Variants in BLTP3A observed in about 807,000 individuals in gnomAD.
The protein encoded by BLTP3A is ICBP90 binding protein 1.
At chr6:34,869,640 CTTTTTTTTTTTTTTTT>C in the BLTP3A span, among the ~76,000 whole-genome samples, 6 of 81,520 alleles carry the variant, frequency 7.4e-5, no homozygotes, top group South Asian at 3.7e-4. Flanking sequence ...ACATACACCA[CTTTTTTTTTTTTTTTT>C]TTTTTTTTTT....
chr6:34,858,290 A>G, the BLTP3A span: 308 of 1,613,966 alleles, frequency 1.9e-4, no homozygotes, highest in Non-Finnish European at 2.6e-4. Flanking sequence ...GAGTTCTTTC[A>G]TTCCAATTAT....
the BLTP3A span, among the ~76,000 whole-genome samples, chr6:34,862,295 G>C: frequency 1.3e-5 from 2 of 151,962 alleles, no homozygotes; most frequent in African/African-American, 4.8e-5. Context: ...AGAATGGCTT[G>C]AACCTGGGAG....
chr6:34,856,487 A>G, the BLTP3A span: 1 of 1,515,676 alleles, frequency 6.6e-7, no homozygotes, highest in Non-Finnish European at 8.9e-7. Context: ...GAGATAAAGC[A>G]AGAACTAGCT....
the BLTP3A span, chr6:34,855,713 A>G: frequency 6.2e-7 from 1 of 1,613,050 alleles, no homozygotes; most frequent in Non-Finnish European, 8.5e-7. Context: ...GGTTAGGAAA[A>G]CTCTGAATGG....
the BLTP3A span, among the ~76,000 whole-genome samples, chr6:34,848,435 G>C: frequency 2.0e-5 from 3 of 151,928 alleles, no homozygotes; most frequent in Non-Finnish European, 2.9e-5. Context: ...GCAAAATCCT[G>C]TTTCTACTAA....
chr6:34,813,786 G>A, the BLTP3A span, among the ~76,000 whole-genome samples: 13 of 152,306 alleles, frequency 8.5e-5, no homozygotes, highest in African/African-American at 2.9e-4. Context: ...TATTGAAGAT[G>A]ACTTGGAATA....
At chr6:34,826,857 C>A in the BLTP3A span, among the ~76,000 whole-genome samples, 1 of 152,142 alleles carries the variant, frequency 6.6e-6, no homozygotes, top group Non-Finnish European at 1.5e-5. Context: ...TTTTATACAA[C>A]TTTACCCTAG....
the BLTP3A span, among the ~76,000 whole-genome samples, chr6:34,811,397 G>A: frequency 6.6e-6 from 1 of 152,152 alleles, no homozygotes. Context: ...GTGTGGTATT[G>A]GCATAAGTAT....
At chr6:34,792,821 G>A in the BLTP3A span, among the ~76,000 whole-genome samples, 4 of 152,184 alleles carry the variant, frequency 2.6e-5, no homozygotes, top group Admixed American at 2.0e-4. Context: ...GTCCTGCTAA[G>A]CCATTTCCCC....
chr6:34,870,111 C>T, the BLTP3A span, among the ~76,000 whole-genome samples: 1 of 152,060 alleles, frequency 6.6e-6, no homozygotes, highest in Non-Finnish European at 1.5e-5. Context: ...ATACTATTTA[C>T]TTCTTTATTC....
At chr6:34,814,426 T>TG in the BLTP3A span, among the ~76,000 whole-genome samples, 1 of 152,026 alleles carries the variant, frequency 6.6e-6, no homozygotes, top group East Asian at 1.9e-4. Flanking sequence ...CAGTATCCAT[T>TG]TTTTGTTGAC....
At chr6:34,831,227 A>G in the BLTP3A span, among the ~76,000 whole-genome samples, 1 of 151,764 alleles carries the variant, frequency 6.6e-6, no homozygotes, top group African/African-American at 2.4e-5. Flanking sequence ...TCCTGGGTTC[A>G]AGTGATTCTT....
the BLTP3A span, among the ~76,000 whole-genome samples, chr6:34,860,259 C>T: frequency 5.9e-5 from 9 of 152,162 alleles, no homozygotes; most frequent in African/African-American, 1.9e-4. Context: ...CTGTGTTAAG[C>T]GCCAGAGATA....
chr6:34,813,374 C>G, the BLTP3A span, among the ~76,000 whole-genome samples: 1 of 152,218 alleles, frequency 6.6e-6, no homozygotes, highest in Non-Finnish European at 1.5e-5. Context: ...CTCTGAAATT[C>G]TGCGAATTTG....
At chr6:34,832,937 TTTTATCTCTTGTAA>T in the BLTP3A span, among the ~76,000 whole-genome samples, 3 of 152,184 alleles carry the variant, frequency 2.0e-5, no homozygotes, top group Non-Finnish European at 2.9e-5. Flanking sequence ...TCAGACCTCC[TTTTATCTCTTGTAA>T]TGAGCAGTGA....
the BLTP3A span, among the ~76,000 whole-genome samples, chr6:34,822,111 T>C: frequency 0.014 from 2,065 of 152,266 alleles, 31 homozygotes; most frequent in Non-Finnish European, 0.016. Context: ...GACTGTTGTC[T>C]GGGCTTATTC....
At chr6:34,797,711 T>C in the BLTP3A span, among the ~76,000 whole-genome samples, 1 of 152,382 alleles carries the variant, frequency 6.6e-6, no homozygotes, top group East Asian at 1.9e-4. Flanking sequence ...TAAAGCACTT[T>C]TATTTACTTA....
chr6:34,813,436 G>T, the BLTP3A span, among the ~76,000 whole-genome samples: 20 of 152,212 alleles, frequency 1.3e-4, no homozygotes, highest in Admixed American at 1.2e-3. Context: ...TCACAAAGAT[G>T]AGAGCCTTTC....
the BLTP3A span, among the ~76,000 whole-genome samples, chr6:34,803,677 G>A: frequency 1.3e-5 from 2 of 152,190 alleles, no homozygotes; most frequent in Non-Finnish European, 2.9e-5. Flanking sequence ...TACTCCAAAA[G>A]TTCCCAGTTT....
Sources: allele counts gnomAD v4.1 joint callset (sites outside exome capture counted in the v4.1 genomes callset), GRCh38; gene constraint gnomAD v4.1.1; transcripts MANE v1.5; gene names NCBI Gene and HGNC (gene_info 2026-07-23, HGNC 2026-07-21).